The following CTNNA3 variants were observed in gnomAD, a reference collection of about 807,000 sequenced individuals.
CTNNA3 encodes catenin alpha-3.
In CTNNA3, 76 loss-of-function variants were observed where a neutral mutation model predicts 95.7. The observed-to-expected ratio is 0.79, with a 90% CI of 0.66 to 0.96. The LOEUF (loss-of-function observed/expected upper bound fraction) is 0.96, where lower values mean the gene tolerates loss of function less well. Among genes scored for constraint, CTNNA3 ranks in the 40% least tolerant of loss-of-function variants. The probability of loss-of-function intolerance (pLI) is 0.00; values close to 1 mark genes in which losing one functional copy is unlikely to be tolerated. For synonymous variants in CTNNA3, 431 were observed against 374.4 expected (o/e 1.15, Z -1.74); for missense variants, 1,191 against 1,089.8 (o/e 1.09, Z -1.31).
chr10:67,663,925 A>G (rs960787891), intron 1 of CTNNA3, among the ~76,000 whole-genome samples: 2 of 152,158 alleles, frequency 1.3e-5, no homozygotes, highest in Non-Finnish European at 2.9e-5. Flanking sequence ...TCCTGCGAGT[A>G]TGTGAAGATG....
At chr10:65,982,832 A>G (rs1355377428) in intron 16 of CTNNA3, among the ~76,000 whole-genome samples, 1 of 151,238 alleles carries the variant, frequency 6.6e-6, no homozygotes, top group East Asian at 1.9e-4. Context: ...AAATACGCAT[A>G]TTGTCACAAG....
intron 1 of CTNNA3, among the ~76,000 whole-genome samples, chr10:67,749,056 G>A (rs961622045): frequency 6.6e-6 from 1 of 152,110 alleles, no homozygotes; most frequent in African/African-American, 2.4e-5. Context: ...AAAAAGACAA[G>A]GGCAGTACTT....
At chr10:66,018,199 C>CACACAA (rs1554830408) in intron 15 of CTNNA3, among the ~76,000 whole-genome samples, 1 of 151,590 alleles carries the variant, frequency 6.6e-6, no homozygotes, top group Non-Finnish European at 1.5e-5. Flanking sequence ...CACACACACA[C>CACACAA]ACACACACAC....
intron 13 of CTNNA3, among the ~76,000 whole-genome samples, chr10:66,121,446 C>CT (rs1564667844): frequency 6.6e-6 from 1 of 151,912 alleles, no homozygotes; most frequent in Non-Finnish European, 1.5e-5. Flanking sequence ...TCCTCAGTTT[C>CT]TTTTTTTAAT....
At chr10:66,353,772 A>G (rs1407593244) in intron 12 of CTNNA3, among the ~76,000 whole-genome samples, 5 of 152,060 alleles carry the variant, frequency 3.3e-5, no homozygotes, top group African/African-American at 1.2e-4. Flanking sequence ...TAATCAACCC[A>G]GGGATAGTTT....
chr10:66,808,867 G>GA (rs1188110404), intron 7 of CTNNA3, among the ~76,000 whole-genome samples: 2 of 152,090 alleles, frequency 1.3e-5, no homozygotes, highest in Non-Finnish European at 2.9e-5. Context: ...TTAAAATTAT[G>GA]AAAAAATCCA....
intron 8 of CTNNA3, among the ~76,000 whole-genome samples, chr10:66,768,546 T>C (rs1157121782): frequency 1.3e-5 from 2 of 152,202 alleles, no homozygotes; most frequent in African/African-American, 4.8e-5. Context: ...GTAGTTATCC[T>C]ACCAAACATA....
rs147860787 is a variant in CTNNA3, at chr10:66,881,138, G to T, written c.1048-105614C>A. ...TTGCCCAATTCCAGTACCCATGGAT[G>T]TTTCTACTCTTGGAGTCTCTAAAAG... On this transcript the variant is annotated intron_variant, in intron 7 of 17. Transcript: ENST00000433211. 5.9e-3 allele frequency among the ~76,000 whole-genome samples: 904 copies of T among 152,074 alleles called. 7 individuals carry two copies. The highest frequency in any genetic ancestry group is 0.02 in the African/African-American group (848 of 41,478).
At chr10:66,267,830 A>T (rs1301218652) in intron 13 of CTNNA3, among the ~76,000 whole-genome samples, 1 of 152,268 alleles carries the variant, frequency 6.6e-6, no homozygotes, top group East Asian at 1.9e-4. Context: ...CAAAAAGATT[A>T]TGTATAGCTT....
At chr10:67,429,855 A>T (rs1040759776) in intron 5 of CTNNA3, among the ~76,000 whole-genome samples, 8 of 151,978 alleles carry the variant, frequency 5.3e-5, no homozygotes, top group Non-Finnish European at 1.0e-4. Context: ...ACCAATTTGG[A>T]TGCACATGTT....
intron 7 of CTNNA3, among the ~76,000 whole-genome samples, chr10:66,964,138 C>A (rs189746566): frequency 6.6e-6 from 1 of 152,232 alleles, no homozygotes; most frequent in African/African-American, 2.4e-5. Context: ...GTGTGAGCCA[C>A]CGCACCCAGC....
Position 66,280,560 on chromosome 10 carries a change from C to T in CTNNA3, c.1794G>A (p.Leu598=), listed in dbSNP as rs1302194870. 2 of 1,609,682 alleles carry T rather than the reference C, an allele frequency of 1.2e-6. No homozygotes were observed. Among genetic ancestry groups the T allele is most frequent in the Admixed American group, 3.4e-5 (2 of 59,634 alleles). The part of the protein sequence containing the change: ...VALEALSKSS[L]NVLDDNQFVD... ...CAAATTGATTATCATCCAACACATT[C>T]AATGAGCTTTTGCTTAAGGCTTCCA... The change falls in exon 13 of 18, where the codon TTG becomes TTA. Residue 598 remains leucine (L), a synonymous_variant. Transcript: ENST00000433211.
chr10:66,003,574 A>G (rs1460697195), intron 15 of CTNNA3, among the ~76,000 whole-genome samples: 1 of 152,202 alleles, frequency 6.6e-6, no homozygotes, highest in Non-Finnish European at 1.5e-5. Flanking sequence ...AATCAAAGGT[A>G]GAATTAGAAT....
chr10:66,166,798 T>TGTGATCA (rs2085155279), intron 13 of CTNNA3, among the ~76,000 whole-genome samples: 1 of 152,070 alleles, frequency 6.6e-6, no homozygotes, highest in Non-Finnish European at 1.5e-5. Context: ...TGAAGGTTAG[T>TGTGATCA]GTGATCAGTT....
chr10:66,015,159 ATTTAC>A (rs1241989393), intron 15 of CTNNA3, among the ~76,000 whole-genome samples: 2 of 151,928 alleles, frequency 1.3e-5, no homozygotes, highest in African/African-American at 2.4e-5. Context: ...ATTTAATAAA[ATTTAC>A]TTTATTGGAG....
intron 11 of CTNNA3, among the ~76,000 whole-genome samples, chr10:66,441,732 C>A (rs145368247): frequency 2.1e-4 from 32 of 152,276 alleles, no homozygotes; most frequent in African/African-American, 7.2e-4. Context: ...ACACTGTGTG[C>A]AAATGTTCAA....
rs746030160 is a variant in CTNNA3, at chr10:67,606,866, G to C, written c.283C>G (p.Arg95Gly). Reference sequence around the variant, plus strand: ...GGATTGGAGTACTCACTTTCTTTGCGAACTTCCTCAAGTGAAGCCGTAAGC... The same window carrying C: ...GGATTGGAGTACTCACTTTCTTTGCCAACTTCCTCAAGTGAAGCCGTAAGC... ...DELTASLEEV[R>G]KESEALKVSA... Residue 95 changes from arginine to glycine, a missense_variant, in exon 3 of 18, where the codon CGC (arginine) becomes GGC (glycine). By Grantham distance (125) the Arg-to-Gly change is moderately radical. Coordinates refer to ENST00000433211, the MANE Select transcript of CTNNA3 (RefSeq NM_013266.4). 6.2e-7 allele frequency: 1 copy of C among 1,612,720 alleles called. No individual in the cohort carries two copies. The highest frequency in any genetic ancestry group is 8.5e-7 in the Non-Finnish European group (1 of 1,179,298).
At chr10:67,161,719 C>T (rs1466653253) in intron 7 of CTNNA3, among the ~76,000 whole-genome samples, 2 of 151,990 alleles carry the variant, frequency 1.3e-5, no homozygotes, top group African/African-American at 2.4e-5. Flanking sequence ...GGTCTAAATA[C>T]ACCAATTAAA....
intron 5 of CTNNA3, among the ~76,000 whole-genome samples, chr10:67,444,065 C>A (rs1846646471): frequency 6.6e-6 from 1 of 152,070 alleles, no homozygotes; most frequent in Non-Finnish European, 1.5e-5. Flanking sequence ...TAGAAATTTA[C>A]AGAACATTTC....
Sources: allele counts gnomAD v4.1 joint callset (sites outside exome capture counted in the v4.1 genomes callset), GRCh38; gene constraint gnomAD v4.1.1; transcripts MANE v1.5; gene names NCBI Gene and HGNC (gene_info 2026-07-23, HGNC 2026-07-21).